The following FBXL17 variants were observed in gnomAD, a reference collection of about 807,000 sequenced individuals.
FBXL17 encodes F-box/LRR-repeat protein 17.
In FBXL17, 22 loss-of-function variants were observed where a neutral mutation model predicts 66.2. The ratio of observed to expected loss-of-function variants is 0.33; its 90% CI spans 0.24 to 0.47. The LOEUF (loss-of-function observed/expected upper bound fraction) is 0.47, where lower values mean the gene tolerates loss of function less well. Ranked by LOEUF, FBXL17 falls within the 20% of genes least tolerant of loss-of-function variation. The pLI, the probability that FBXL17 is intolerant of heterozygous loss-of-function variation, is 1.00. For synonymous variants in FBXL17, 474 were observed against 400.5 expected (o/e 1.18, Z -2.19); for missense variants, 878 against 948.2 (o/e 0.93, Z 0.97).
At chr5:108,325,982 C>T (rs1278246919) in intron 4 of FBXL17, among the ~76,000 whole-genome samples, 1 of 152,190 alleles carries the variant, frequency 6.6e-6, no homozygotes, top group South Asian at 2.1e-4. Context: ...AGACAGAGGA[C>T]ATAGAAAGGA....
chr5:108,272,904 C>A (rs941663013), intron 4 of FBXL17, among the ~76,000 whole-genome samples: 1 of 152,080 alleles, frequency 6.6e-6, no homozygotes, highest in African/African-American at 2.4e-5. Context: ...TATCAGCGAA[C>A]CTGCCCCGAT....
At chr5:108,163,503 C>G (rs1260282754) in intron 6 of FBXL17, among the ~76,000 whole-genome samples, 1 of 151,198 alleles carries the variant, frequency 6.6e-6, no homozygotes, top group Non-Finnish European at 1.5e-5. Flanking sequence ...CGGGTTCACA[C>G]CATTCTCCTG....
intron 5 of FBXL17, among the ~76,000 whole-genome samples, chr5:108,209,580 G>C (rs1297917164): frequency 1.3e-5 from 2 of 152,126 alleles, no homozygotes; most frequent in Non-Finnish European, 2.9e-5. Flanking sequence ...TGTGTTTTCT[G>C]TCATTGGTTC....
chr5:107,915,474 T>C (rs1177399024), intron 7 of FBXL17, among the ~76,000 whole-genome samples: 1 of 152,192 alleles, frequency 6.6e-6, no homozygotes, highest in Non-Finnish European at 1.5e-5. Flanking sequence ...GGTTTATTCT[T>C]TATATGTGAA....
chr5:107,910,244 A>C (rs1404704256), intron 7 of FBXL17, among the ~76,000 whole-genome samples: 1 of 152,154 alleles, frequency 6.6e-6, no homozygotes, highest in Non-Finnish European at 1.5e-5. Context: ...TGTTTTGAAA[A>C]CTAAGTATGA....
At chr5:108,363,533 A>G (rs1231679743) in intron 3 of FBXL17, among the ~76,000 whole-genome samples, 2 of 151,996 alleles carry the variant, frequency 1.3e-5, no homozygotes, top group East Asian at 1.9e-4. Context: ...GGAAACATCT[A>G]AGTAACAGGC....
chr5:107,977,322 G>T (rs1186691899), intron 7 of FBXL17, among the ~76,000 whole-genome samples: 1 of 152,018 alleles, frequency 6.6e-6, no homozygotes, highest in East Asian at 1.9e-4. Context: ...CAAATGATAA[G>T]GAACACACAC....
At chr5:108,311,063 G>C (rs1471091863) in intron 4 of FBXL17, among the ~76,000 whole-genome samples, 2 of 152,134 alleles carry the variant, frequency 1.3e-5, no homozygotes, top group African/African-American at 4.8e-5. Context: ...GGAGAAAAGG[G>C]AATGAGGGAA....
chr5:107,926,483 C>T (rs1750528321), intron 7 of FBXL17, among the ~76,000 whole-genome samples: 1 of 151,840 alleles, frequency 6.6e-6, no homozygotes, highest in Non-Finnish European at 1.5e-5. Context: ...ATTCTTTTTC[C>T]TTGCATCTCC....
chr5:108,082,609 A>C (rs1333576637), intron 6 of FBXL17, among the ~76,000 whole-genome samples: 1 of 143,648 alleles, frequency 7.0e-6, no homozygotes, highest in Non-Finnish European at 1.5e-5. Flanking sequence ...CCAGTCCTGG[A>C]AATAATCCTT....
At chr5:108,272,920 C>T (rs973170965) in intron 4 of FBXL17, among the ~76,000 whole-genome samples, 2 of 152,132 alleles carry the variant, frequency 1.3e-5, no homozygotes, top group African/African-American at 2.4e-5. Context: ...CCGATATTCA[C>T]GTAGGTTCTT....
chr5:108,353,879 T>C (rs1026959010), intron 3 of FBXL17, among the ~76,000 whole-genome samples: 2 of 152,180 alleles, frequency 1.3e-5, no homozygotes, highest in Non-Finnish European at 2.9e-5. Flanking sequence ...ACTACATTAC[T>C]AAAGGCCCAT....
At chr5:108,204,442 T>A (rs1343544032) in intron 5 of FBXL17, among the ~76,000 whole-genome samples, 1 of 152,030 alleles carries the variant, frequency 6.6e-6, no homozygotes, top group East Asian at 1.9e-4. Context: ...CACCTCAGCA[T>A]CCCAAAGTAC....
chr5:108,099,616 C>T (rs570918708), intron 6 of FBXL17, among the ~76,000 whole-genome samples: 1 of 152,092 alleles, frequency 6.6e-6, no homozygotes, highest in Non-Finnish European at 1.5e-5. Flanking sequence ...TTTTCCTTGG[C>T]CTCAACTTAC....
chr5:108,129,060 T>C (rs1405318524), intron 6 of FBXL17, among the ~76,000 whole-genome samples: 1 of 152,130 alleles, frequency 6.6e-6, no homozygotes, highest in African/African-American at 2.4e-5. Flanking sequence ...TTGTATCAAA[T>C]AGGTTGACTT....
At chr5:108,255,983 A>G (rs1188952839) in intron 4 of FBXL17, among the ~76,000 whole-genome samples, 1 of 152,196 alleles carries the variant, frequency 6.6e-6, no homozygotes, top group African/African-American at 2.4e-5. Flanking sequence ...TCTAGAATAA[A>G]GCCAATTCTG....
chr5:108,175,808 T>C (rs1752774349), intron 6 of FBXL17, among the ~76,000 whole-genome samples: 1 of 152,204 alleles, frequency 6.6e-6, no homozygotes, highest in South Asian at 2.1e-4. Context: ...TTCTAAAATA[T>C]TTCTATATGC....
chr5:108,032,978 T>C (rs1377163402), intron 6 of FBXL17, among the ~76,000 whole-genome samples: 19 of 152,318 alleles, frequency 1.2e-4, no homozygotes, highest in Non-Finnish European at 1.5e-5. Context: ...AGAAAACCTA[T>C]ACTTAGAGAA....
At position 107,975,610 on chromosome 5, in the gene FBXL17, T is replaced by C. The variant is rs755060769; in HGVS notation, c.1822+45315A>G. On this transcript the variant is annotated intron_variant, in intron 7 of 8. Coordinates refer to ENST00000542267, the MANE Select transcript of FBXL17 (RefSeq NM_001163315.3). ...TATATTAAAAAGTACCTGAAATAAA[T>C]GTATCATTGTCTGGGATTTAGATAA... Among the ~76,000 whole-genome samples the C allele has an allele frequency of 1.2e-4, 18 of 152,004 alleles. No individual in the cohort carries two copies. The South Asian group carries it at 1.4e-3, about 12-fold the overall frequency.
Sources: allele counts gnomAD v4.1 joint callset (sites outside exome capture counted in the v4.1 genomes callset), GRCh38; gene constraint gnomAD v4.1.1; transcripts MANE v1.5; gene names NCBI Gene and HGNC (gene_info 2026-07-23, HGNC 2026-07-21).